The following GOLGA8A variants were observed in gnomAD, a reference collection of about 807,000 sequenced individuals.
The protein encoded by GOLGA8A is golgin A8 family member A.
Under a neutral mutation model 22.1 loss-of-function variants are expected in GOLGA8A, and 3 were observed. The ratio of observed to expected loss-of-function variants is 0.14; its 90% CI spans 0.06 to 0.35. GOLGA8A has a LOEUF of 0.35. Among genes scored for constraint, GOLGA8A ranks in the 10% least tolerant of loss-of-function variants. The pLI is 1.00. For missense variants in GOLGA8A, 16 were observed against 233.2 expected (o/e 0.07, Z 6.07); for synonymous variants, 7 against 91.7 (o/e 0.08, Z 5.28).
intron 2 of GOLGA8A, among the ~76,000 whole-genome samples, chr15:34,425,415 T>G (rs954155294): frequency 1.4e-5 from 2 of 142,826 alleles, no homozygotes; most frequent in African/African-American, 2.6e-5. Flanking sequence ...CATCCACAAA[T>G]CACACCGTAT....
In GOLGA8A at chr15:34,435,558, C is replaced by G. The variant is rs925248365; in HGVS notation, c.-1211-87G>C. ...ACCAGCAAGCCACAACTTGGGTCTGCGGTGTCAGAGAAAACATGCAAGGTG... is the reference window on the plus strand; with the variant it reads ...ACCAGCAAGCCACAACTTGGGTCTGGGGTGTCAGAGAAAACATGCAAGGTG... On this transcript the variant is annotated intron_variant, in intron 1 of 24. Coordinates refer to ENST00000359187, the MANE Select transcript of GOLGA8A (RefSeq NM_181077.5). The G allele has an allele frequency of 2.7e-5, 4 of 148,774 alleles. 1 individual carries two copies. The highest frequency in any genetic ancestry group is 5.0e-5 in the African/African-American group (2 of 40,204). 9.2% of individuals were successfully genotyped at this position (148,774 alleles called of 1,614,324 possible).
rs1216185774 is a variant in GOLGA8A, at chr15:34,425,597, T to C, written c.-1123+9786A>G. Among the ~76,000 whole-genome samples, 9 of 144,912 alleles carry C rather than the reference T, an allele frequency of 6.2e-5. 1 individual carries two copies. The East Asian group carries it at 6.2e-4, about 10-fold the overall frequency. ...AAAGCAAGCTTGATAGTTTTAACAA[T>C]GTAAAATTTCCAAATTTTTACATTG... On this transcript the variant is annotated intron_variant, in intron 2 of 24. Coordinates refer to ENST00000359187, the MANE Select transcript of GOLGA8A (RefSeq NM_181077.5).
chr15:34,427,450 G>T (rs775245767), intron 2 of GOLGA8A, among the ~76,000 whole-genome samples: 1 of 148,692 alleles, frequency 6.7e-6, no homozygotes, highest in East Asian at 2.0e-4. Context: ...GTGGGGATTT[G>T]ATGTAGATGG....
chr15:34,436,765 T>C (rs1440132179), intron 1 of GOLGA8A, among the ~76,000 whole-genome samples: 3 of 149,870 alleles, frequency 2.0e-5, no homozygotes, highest in Non-Finnish European at 3.0e-5. Context: ...TGCCAGGCAG[T>C]GCCTGGCGTG....
chr15:34,397,370 C>T lies in GOLGA8A; in HGVS notation c.-382+1264G>A, dbSNP rs554909475. On this transcript the variant is annotated intron_variant, in intron 8 of 24. Transcript: ENST00000359187. ...TCCTGGTGGTCTTACTGCTCCTGCT[C>T]GCTCAATTTTATGAGTCCATCTTTT... 7.2e-3 allele frequency among the ~76,000 whole-genome samples: 1,057 copies of T among 147,550 alleles called. 7 individuals carry two copies. Among genetic ancestry groups the T allele is most frequent in the Middle Eastern group, 0.028 (8 of 288 alleles).
rs1357609138 is a variant in GOLGA8A, at chr15:34,432,670, C to T, written c.-1123+2713G>A. 1.3e-5 allele frequency among the ~76,000 whole-genome samples: 2 copies of T among 149,356 alleles called. 1 individual carries two copies. The highest frequency in any genetic ancestry group is 3.0e-5 in the Non-Finnish European group (2 of 67,238). ...TTGGAGTGTTTCCGTTTCCAGACAA[C>T]TAGAGATGAAAATATTTTCACAGTC... On this transcript the variant is annotated intron_variant, in intron 2 of 24. Coordinates refer to ENST00000359187, the MANE Select transcript of GOLGA8A (RefSeq NM_181077.5).
intron 2 of GOLGA8A, among the ~76,000 whole-genome samples, chr15:34,434,327 C>A (rs577124371): frequency 6.7e-6 from 1 of 149,788 alleles, no homozygotes; most frequent in South Asian, 2.1e-4. Flanking sequence ...TACCCCACAG[C>A]CCAACCTGGG....
At chr15:34,433,159 C>G (rs1449980072) in intron 2 of GOLGA8A, among the ~76,000 whole-genome samples, 1 of 148,822 alleles carries the variant, frequency 6.7e-6, no homozygotes, top group Non-Finnish European at 1.5e-5. Context: ...CTTCTCCAAC[C>G]AGGCCAGGAC....
intron 1 of GOLGA8A, among the ~76,000 whole-genome samples, chr15:34,436,620 G>C (rs1472006058): frequency 6.7e-6 from 1 of 150,026 alleles, no homozygotes; most frequent in African/African-American, 2.5e-5. Flanking sequence ...CTCCGCGTCG[G>C]CCCGGAGAAA....
Position 34,432,990 on chromosome 15 carries a change from A to C in GOLGA8A, c.-1123+2393T>G, listed in dbSNP as rs1218316502. ...AAAACAACCACAGGCAAGAGGCCTC[A>C]CGCGGGTATTGCAGATGCTGAGAAA... On this transcript the variant is annotated intron_variant, in intron 2 of 24. Transcript: ENST00000359187. Among the ~76,000 whole-genome samples, 5 of 149,030 alleles carry C rather than the reference A, an allele frequency of 3.4e-5. 2 individuals carry two copies. The highest frequency in any genetic ancestry group is 5.0e-5 in the African/African-American group (2 of 40,354).
intron 2 of GOLGA8A, among the ~76,000 whole-genome samples, chr15:34,428,199 T>A (rs1489293139): frequency 4.8e-5 from 7 of 146,594 alleles, no homozygotes; most frequent in African/African-American, 7.6e-5. Flanking sequence ...GCTTAAGCGA[T>A]CCTCCCACCT....
intron 1 of GOLGA8A, among the ~76,000 whole-genome samples, chr15:34,436,760 G>A (rs1204927335): frequency 6.7e-6 from 1 of 149,920 alleles, no homozygotes; most frequent in Non-Finnish European, 1.5e-5. Flanking sequence ...AGCCTTGCCA[G>A]GCAGTGCCTG....
intron 2 of GOLGA8A, chr15:34,410,654 G>T: frequency 3.7e-6 from 1 of 270,184 alleles, no homozygotes; most frequent in Non-Finnish European, 5.9e-6. Context: ...GGGACCTCAG[G>T]GTACAGGCCT....
chr15:34,427,186 C>G (rs1257485643), intron 2 of GOLGA8A, among the ~76,000 whole-genome samples: 2 of 147,200 alleles, frequency 1.4e-5, no homozygotes, highest in Admixed American at 6.9e-5. Context: ...CAAAAGTTAG[C>G]CGGGAGTGGT....
In GOLGA8A at chr15:34,384,200, A is replaced by ATC. The variant is rs1307031342; in HGVS notation, c.568-154_568-153insGA. Among the ~76,000 whole-genome samples the ATC allele has an allele frequency of 1.2e-4, 18 of 149,744 alleles. No individual in the cohort carries two copies. The South Asian group carries it at 3.8e-3, about 31-fold the overall frequency. On this transcript the variant is annotated intron_variant, in intron 16 of 24. Transcript: ENST00000359187. ...CGTGGTCTGGTTTTGAAAAAAACTC[A>ATC]GTGAAGTTGGAAGGGACAAGGAGAG...
chr15:34,429,703 A>G (rs559058856), intron 2 of GOLGA8A, among the ~76,000 whole-genome samples: 6,455 of 137,706 alleles, frequency 0.047, 385 homozygotes, highest in South Asian at 0.14. Flanking sequence ...GTAGCTTCTC[A>G]GAAAATACCT....
chr15:34,428,874 C>G (rs1191440734), intron 2 of GOLGA8A: 1 of 128,324 alleles, frequency 7.8e-6, no homozygotes, highest in African/African-American at 3.0e-5. Context: ...GCAATTTAAT[C>G]TACAAATCCT....
rs1405470637 is a variant in GOLGA8A, at chr15:34,404,939, C to CATGA, written c.-598_-597insTCAT. ...TACGCAGTTAAATGCTCTTGTCTTT[C>CATGA]AGTCTTCCTAATTTCTCTAATATTG... On this transcript the variant is annotated 5_prime_UTR_variant, in exon 5 of 25. The change creates a new upstream start codon in the 5' untranslated region. Coordinates refer to ENST00000359187, the MANE Select transcript of GOLGA8A (RefSeq NM_181077.5). 1.7e-4 allele frequency: 12 copies of CATGA among 72,458 alleles called. No individual in the cohort carries two copies. Among genetic ancestry groups the CATGA allele is most frequent in the African/African-American group, 5.7e-4 (11 of 19,454 alleles). 4.5% of individuals were successfully genotyped at this position (72,458 alleles called of 1,614,324 possible).
chr15:34,433,373 T>C (rs1893343759), intron 2 of GOLGA8A, among the ~76,000 whole-genome samples: 1 of 149,056 alleles, frequency 6.7e-6, no homozygotes, highest in African/African-American at 2.5e-5. Flanking sequence ...GCGCTGACTT[T>C]GGCAGCAGGG....
Sources: gnomAD v4.1 joint callset for allele counts (sites outside exome capture counted in the v4.1 genomes callset) on GRCh38, gnomAD v4.1.1 for gene constraint, MANE v1.5 for transcripts, NCBI Gene and HGNC (gene_info 2026-07-23, HGNC 2026-07-21) for gene names.